The following GRIK4 variants were observed in gnomAD, a reference collection of about 807,000 sequenced individuals.
The protein encoded by GRIK4 is glutamate receptor ionotropic, kainate 4.
In GRIK4, 40 loss-of-function variants were observed where a neutral mutation model predicts 104.9. The ratio of observed to expected loss-of-function variants is 0.38; its 90% CI spans 0.30 to 0.50. The LOEUF (loss-of-function observed/expected upper bound fraction) is 0.50, where lower values mean the gene tolerates loss of function less well. GRIK4 is among the 20% of genes least tolerant of loss of function. The probability of loss-of-function intolerance (pLI) is 0.93; values close to 1 mark genes in which losing one functional copy is unlikely to be tolerated. For synonymous variants in GRIK4, 485 were observed against 524.9 expected, an observed-to-expected ratio of 0.92 and a Z score of 1.04; for missense variants, 1,047 against 1,308.1, an observed-to-expected ratio of 0.80 and a Z score of 3.08.
At chr11:120,605,888 TGAGGCTGGTGGGCAGCAGGGAAA>T (rs1208621989) in intron 1 of GRIK4, among the ~76,000 whole-genome samples, 1 of 152,230 alleles carries the variant, frequency 6.6e-6, no homozygotes, top group African/African-American at 2.4e-5. Flanking sequence ...GCCAGGTCAA[TGAGGCTGGTGGGCAGCAGGGAAA>T]GACCGCACAG....
intron 3 of GRIK4, among the ~76,000 whole-genome samples, chr11:120,801,507 A>G (rs563616479): frequency 2.6e-5 from 4 of 152,328 alleles, no homozygotes; most frequent in East Asian, 3.9e-4. Flanking sequence ...GATTACAGGC[A>G]TGAGCCATGC....
chr11:120,905,539 G>GGA lies in GRIK4; in HGVS notation c.1476+46_1476+47insGA. On this transcript the variant is annotated intron_variant, in intron 13 of 20. Coordinates refer to ENST00000527524, the MANE Select transcript of GRIK4 (RefSeq NM_014619.5). The surrounding 1 kb of genome is among the most constrained non-coding windows in gnomAD (Gnocchi z 5.1). ...CTGGGCCTGAGGGTGGGCTGGGAGG[G>GGA]ATTGGAAGAGCATGAGGTTGTGCTG... 2.0e-6 allele frequency: 1 copy of GGA among 503,048 alleles called. No individual in the cohort carries two copies. Among genetic ancestry groups the GGA allele is most frequent in the Non-Finnish European group, 4.0e-6 (1 of 248,896 alleles). 31.2% of individuals were successfully genotyped at this position (503,048 alleles called of 1,614,324 possible).
chr11:120,656,726 C>A (rs1335170628), intron 2 of GRIK4, among the ~76,000 whole-genome samples: 1 of 152,178 alleles, frequency 6.6e-6, no homozygotes, highest in East Asian at 1.9e-4. Context: ...TGGTGGTGGG[C>A]ATCTGTAATC....
At chr11:120,560,644 C>T (rs1022254311) in intron 1 of GRIK4, among the ~76,000 whole-genome samples, 1 of 152,188 alleles carries the variant, frequency 6.6e-6, no homozygotes, top group Non-Finnish European at 1.5e-5. Flanking sequence ...ATTTCAGCTC[C>T]TCCATTCATT....
intron 4 of GRIK4, among the ~76,000 whole-genome samples, chr11:120,806,592 C>T (rs1320649): frequency 0.21 from 32,524 of 152,228 alleles, 7,435 homozygotes; most frequent in African/African-American, 0.58. Flanking sequence ...ATATCTTTGA[C>T]TGTGGAAAGC....
chr11:120,784,120 G>A (rs1952216465), intron 3 of GRIK4, among the ~76,000 whole-genome samples: 1 of 152,162 alleles, frequency 6.6e-6, no homozygotes, highest in African/African-American at 2.4e-5. Context: ...CTTTGGAAAA[G>A]GGCAACAGAC....
At chr11:120,910,324 G>A (rs1369722641) in intron 13 of GRIK4, among the ~76,000 whole-genome samples, 1 of 152,230 alleles carries the variant, frequency 6.6e-6, no homozygotes. Flanking sequence ...AAAATCATCA[G>A]AGCATGTCTT....
At chr11:120,951,080 G>A (rs549272931) in intron 14 of GRIK4, among the ~76,000 whole-genome samples, 1 of 152,294 alleles carries the variant, frequency 6.6e-6, no homozygotes, top group South Asian at 2.1e-4. Context: ...CACGTGAGAG[G>A]TCACTGTCAT....
intron 8 of GRIK4, among the ~76,000 whole-genome samples, chr11:120,860,451 G>A (rs995130568): frequency 2.6e-5 from 4 of 152,126 alleles, no homozygotes; most frequent in African/African-American, 4.8e-5. Flanking sequence ...CCCCACCAGC[G>A]TTATTGCATG....
chr11:120,707,350 G>A (rs1489170526), intron 3 of GRIK4, among the ~76,000 whole-genome samples: 5 of 152,212 alleles, frequency 3.3e-5, no homozygotes, highest in African/African-American at 1.2e-4. Flanking sequence ...GTGAACCATT[G>A]AGGGGAAGGT....
At chr11:120,786,765 C>T (rs1331969125) in intron 3 of GRIK4, among the ~76,000 whole-genome samples, 2 of 152,126 alleles carry the variant, frequency 1.3e-5, no homozygotes, top group African/African-American at 4.8e-5. Context: ...TCCTCTTTTC[C>T]GAGAAAATAG....
chr11:120,964,137 G>A (rs903779652), intron 18 of GRIK4, among the ~76,000 whole-genome samples: 1 of 151,834 alleles, frequency 6.6e-6, no homozygotes, highest in Non-Finnish European at 1.5e-5. Context: ...GACTACAGAC[G>A]TGCACTACCA....
intron 3 of GRIK4, among the ~76,000 whole-genome samples, chr11:120,766,654 T>C (rs1299592283): frequency 6.6e-6 from 1 of 152,038 alleles, no homozygotes; most frequent in Non-Finnish European, 1.5e-5. Flanking sequence ...CTGGGCCAAA[T>C]ATCACCGTCC....
At position 120,819,256 on chromosome 11, in the gene GRIK4, T is replaced by G. The variant is rs1169834746; in HGVS notation, c.346-499T>G. On this transcript the variant is annotated intron_variant, in intron 5 of 20. Coordinates refer to ENST00000527524, the MANE Select transcript of GRIK4 (RefSeq NM_014619.5). The surrounding 1 kb of genome is among the most constrained non-coding windows in gnomAD (Gnocchi z 4.3). ...TCCCTGGGCATTCCCCACTGAAGTT[T>G]GTTGGGAGCTGGTTACTATACACCT... 6.6e-6 allele frequency among the ~76,000 whole-genome samples: 1 copy of G among 152,194 alleles called. No homozygotes were observed. The highest frequency in any genetic ancestry group is 1.5e-5 in the Non-Finnish European group (1 of 68,038).
At chr11:120,707,908 A>G (rs1039050695) in intron 3 of GRIK4, among the ~76,000 whole-genome samples, 1 of 152,164 alleles carries the variant, frequency 6.6e-6, no homozygotes, top group Non-Finnish European at 1.5e-5. Flanking sequence ...AGACTGAGCA[A>G]CCCACAAGAA....
intron 11 of GRIK4, among the ~76,000 whole-genome samples, chr11:120,881,055 G>A (rs953267789): frequency 1.3e-5 from 2 of 152,194 alleles, no homozygotes; most frequent in African/African-American, 4.8e-5. Flanking sequence ...CCAACATGAC[G>A]TGGCTGCCAC....
intron 13 of GRIK4, among the ~76,000 whole-genome samples, chr11:120,916,624 G>A (rs572035226): frequency 1.3e-5 from 2 of 152,292 alleles, no homozygotes; most frequent in Admixed American, 6.5e-5. Flanking sequence ...ATGTGATACC[G>A]CAAGTGGAAA....
intron 3 of GRIK4, among the ~76,000 whole-genome samples, chr11:120,667,792 A>G (rs1318699813): frequency 6.6e-6 from 1 of 152,236 alleles, no homozygotes; most frequent in Non-Finnish European, 1.5e-5. Flanking sequence ...TCAGGTGCAG[A>G]TGTGCACGCA....
chr11:120,971,270 T>G (rs544576618), intron 19 of GRIK4, among the ~76,000 whole-genome samples: 1 of 152,324 alleles, frequency 6.6e-6, no homozygotes, highest in African/African-American at 2.4e-5. Flanking sequence ...AATAAGCAAC[T>G]CAAGGACAGG....
Sources: allele counts gnomAD v4.1 joint callset (sites outside exome capture counted in the v4.1 genomes callset), GRCh38; gene constraint gnomAD v4.1.1; non-coding constraint Gnocchi (gnomAD v3.1); transcripts MANE v1.5; gene names NCBI Gene and HGNC (gene_info 2026-07-23, HGNC 2026-07-21).